Variants in DLGAP2 observed in about 807,000 individuals in gnomAD.
The protein encoded by DLGAP2 is DLG associated protein 2.
A neutral mutation model predicts 100.3 loss-of-function variants in DLGAP2; 26 were observed. The ratio of observed to expected loss-of-function variants is 0.26; its 90% CI spans 0.19 to 0.36. The LOEUF is 0.36. Ranked by LOEUF, DLGAP2 falls within the 10% of genes least tolerant of loss-of-function variation. DLGAP2 has a pLI of 1.00. For missense variants in DLGAP2, 1,858 were observed against 1,453.2 expected, an observed-to-expected ratio of 1.28 and a Z score of -4.53; for synonymous variants, 886 against 630.1, an observed-to-expected ratio of 1.41 and a Z score of -6.08.
At chr8:1,366,372 A>T (rs1318767802) in intron 3 of DLGAP2, among the ~76,000 whole-genome samples, 1 of 152,242 alleles carries the variant, frequency 6.6e-6, no homozygotes, top group East Asian at 1.9e-4. Context: ...ACCCAGGGAC[A>T]GAGAACTGTC....
At position 1,549,232 on chromosome 8, in the gene DLGAP2, A is replaced by G. The variant is rs2130517378; in HGVS notation, c.779A>G (p.Asp260Gly). ...SKSNANGTKADGRADDHHHAH... is the reference protein window; with the variant it reads ...SKSNANGTKAGGRADDHHHAH... ...AGCAACGCCAACGGCACCAAGGCGG[A>G]CGGCCGGGCGGACGACCACCACCAC... is the stretch of plus-strand genomic sequence containing the variant. Residue 260 changes from aspartate (D) to glycine (G), a missense_variant, in exon 5 of 15, where the codon GAC becomes GGC. Asp to Gly is a moderately conservative substitution (Grantham distance 94). Transcript: ENST00000637795. 1 of 1,605,774 alleles carries G rather than the reference A, an allele frequency of 6.2e-7. No homozygotes were observed. The highest frequency in any genetic ancestry group is 8.5e-7 in the Non-Finnish European group (1 of 1,177,006).
chr8:1,432,127 T>C (rs1256143558), intron 3 of DLGAP2, among the ~76,000 whole-genome samples: 4 of 152,232 alleles, frequency 2.6e-5, no homozygotes, highest in Non-Finnish European at 5.9e-5. Context: ...CTCTGGCGTT[T>C]GATCATTCGG....
intron 3 of DLGAP2, among the ~76,000 whole-genome samples, chr8:1,383,122 C>A (rs185877411): frequency 1.3e-5 from 2 of 152,158 alleles, no homozygotes; most frequent in African/African-American, 4.8e-5. Flanking sequence ...TGTGACATTG[C>A]AGGGATCATC....
intron 1 of DLGAP2, among the ~76,000 whole-genome samples, chr8:794,377 C>A (rs1287652219): frequency 6.6e-6 from 1 of 152,126 alleles, no homozygotes; most frequent in Non-Finnish European, 1.5e-5. Flanking sequence ...GTTCTCACAG[C>A]CTTCAGAGCT....
chr8:1,490,004 GC>G (rs1422363610), intron 3 of DLGAP2, among the ~76,000 whole-genome samples: 1 of 152,048 alleles, frequency 6.6e-6, no homozygotes, highest in Non-Finnish European at 1.5e-5. Context: ...CAGTTCTCCT[GC>G]CTCAGCCTCC....
intron 3 of DLGAP2, among the ~76,000 whole-genome samples, chr8:1,307,487 T>C (rs1008337469): frequency 1.3e-5 from 2 of 152,156 alleles, no homozygotes; most frequent in South Asian, 4.2e-4. Flanking sequence ...AAACATGGAA[T>C]TTTCCTATGC....
intron 3 of DLGAP2, among the ~76,000 whole-genome samples, chr8:1,328,502 G>C (rs1358250468): frequency 6.6e-6 from 1 of 151,042 alleles, no homozygotes; most frequent in African/African-American, 2.4e-5. Flanking sequence ...TTGTTTTTTT[G>C]TTTGTTTGTT....
At chr8:1,119,749 G>T (rs1328261912) in intron 2 of DLGAP2, among the ~76,000 whole-genome samples, 1 of 152,246 alleles carries the variant, frequency 6.6e-6, no homozygotes, top group African/African-American at 2.4e-5. Context: ...ATTTCACCTT[G>T]AAGTTGGACC....
chr8:1,184,952 C>G (rs772263139), intron 2 of DLGAP2, among the ~76,000 whole-genome samples: 7 of 152,158 alleles, frequency 4.6e-5, no homozygotes, highest in Non-Finnish European at 1.0e-4. Flanking sequence ...AGGCAGATTT[C>G]AGACCCAGGT....
intron 2 of DLGAP2, among the ~76,000 whole-genome samples, chr8:1,191,837 A>G (rs1284323113): frequency 6.6e-6 from 1 of 152,116 alleles, no homozygotes; most frequent in Non-Finnish European, 1.5e-5. Context: ...CTTTAAGCTG[A>G]TATTACGTGT....
rs377044607 is a variant in DLGAP2, at chr8:1,053,468, G to A, written c.73+145502G>A. ...GACCAGGTGTGTCCCAGTCAGCTCC[G>A]TCATCCCAGTCAGTTCGCAGTCTCC... is the stretch of plus-strand genomic sequence containing the variant. On this transcript the variant is annotated intron_variant, in intron 2 of 14. Coordinates refer to ENST00000637795, the MANE Select transcript of DLGAP2 (RefSeq NM_001346810.2). Among the ~76,000 whole-genome samples, 7 of 152,198 alleles carry A rather than the reference G, an allele frequency of 4.6e-5. No homozygotes were observed. In the East Asian group the frequency reaches 1.4e-3, roughly 29 times the overall value.
At chr8:1,128,347 G>A (rs541168214) in intron 2 of DLGAP2, among the ~76,000 whole-genome samples, 8 of 150,876 alleles carry the variant, frequency 5.3e-5, no homozygotes, top group Admixed American at 2.0e-4. Flanking sequence ...GTTGTGTTCC[G>A]TGAGGACCTG....
chr8:1,653,022 A>G (rs958816355), intron 8 of DLGAP2, among the ~76,000 whole-genome samples: 1 of 152,044 alleles, frequency 6.6e-6, no homozygotes, highest in African/African-American at 2.4e-5. Context: ...GCCTTTCTCT[A>G]TTTTGTTAGA....
intron 3 of DLGAP2, among the ~76,000 whole-genome samples, chr8:1,385,718 G>A (rs376391123): frequency 1.6e-5 from 2 of 127,686 alleles, no homozygotes; most frequent in African/African-American, 3.1e-5. Context: ...GCCTGTGCCC[G>A]TCCCCTGAGA....
At chr8:746,091 C>A (rs575532574) in intron 1 of DLGAP2, among the ~76,000 whole-genome samples, 6 of 152,304 alleles carry the variant, frequency 3.9e-5, no homozygotes, top group African/African-American at 1.2e-4. Context: ...GGCCCGTGTG[C>A]CCTGCAGGAA....
At chr8:745,471 T>G (rs1000330147) in intron 1 of DLGAP2, among the ~76,000 whole-genome samples, 18 of 152,348 alleles carry the variant, frequency 1.2e-4, no homozygotes, top group African/African-American at 4.3e-4. Context: ...TTTCTCAGTC[T>G]TCAATTTATC....
At chr8:1,676,172 C>T (rs1464113074) in intron 10 of DLGAP2, among the ~76,000 whole-genome samples, 1 of 152,174 alleles carries the variant, frequency 6.6e-6, no homozygotes, top group African/African-American at 2.4e-5. Context: ...GTGTTTGGTT[C>T]ATGCTGTACT....
intron 2 of DLGAP2, among the ~76,000 whole-genome samples, chr8:1,237,116 TTCTGTCTCACATGGG>T (rs1798675985): frequency 2.3e-5 from 1 of 42,652 alleles, no homozygotes; most frequent in Non-Finnish European, 4.8e-5. Context: ...CCGTGCCTAG[TTCTGTCTCACATGGG>T]GCCGTGTCTA....
intron 2 of DLGAP2, among the ~76,000 whole-genome samples, chr8:1,103,927 G>C (rs184164192): frequency 6.5e-4 from 99 of 152,338 alleles, no homozygotes; most frequent in African/African-American, 2.3e-3. Context: ...TTGGCCTTTG[G>C]TGAGGATGCC....
Sources: allele counts gnomAD v4.1 joint callset (sites outside exome capture counted in the v4.1 genomes callset), GRCh38; gene constraint gnomAD v4.1.1; transcripts MANE v1.5; gene names NCBI Gene and HGNC (gene_info 2026-07-23, HGNC 2026-07-21).